PPP2R3B: variants seen among roughly 807,000 people sequenced by gnomAD.
PPP2R3B encodes protein phosphatase 2 regulatory subunit B''beta, also known as serine/threonine-protein phosphatase 2A regulatory subunit B'' subunit beta.
Under a neutral mutation model 72.9 loss-of-function variants are expected in PPP2R3B, and 68 were observed. The ratio of observed to expected loss-of-function variants is 0.93; its 90% CI spans 0.77 to 1.14. PPP2R3B has a LOEUF of 1.14. Ranked by LOEUF, PPP2R3B falls within the 50% of genes most tolerant of loss-of-function variation. The probability of loss-of-function intolerance (pLI) is 0.00; values close to 1 mark genes in which losing one functional copy is unlikely to be tolerated. For missense variants in PPP2R3B, 1,018 were observed against 842.0 expected (o/e 1.21, Z -2.59); for synonymous variants, 466 against 375.8 (o/e 1.24, Z -2.78).
At chrX:344,561 G>C (rs1356696713) in intron 7 of PPP2R3B, among the ~76,000 whole-genome samples, 1 of 152,250 alleles carries the variant, frequency 6.6e-6, no homozygotes, top group Non-Finnish European at 1.5e-5. Context: ...GGAAAGCTGG[G>C]GCCGCGCCGG....
intron 2 of PPP2R3B, 52 bp from the exon 3 acceptor site, chrX:347,745 C>A: frequency 7.3e-7 from 1 of 1,376,844 alleles, no homozygotes. Context: ...GACGCCGGCG[C>A]TCCTGCTGCG....
At chrX:373,810 C>T (rs779459396) in intron 1 of PPP2R3B, 17 of 151,570 alleles carry the variant, frequency 1.1e-4, no homozygotes, top group Admixed American at 9.2e-4. Context: ...GGGCCCGCGC[C>T]GCGCGCATTC....
intron 1 of PPP2R3B, among the ~76,000 whole-genome samples, chrX:367,019 C>G (rs990820386): frequency 2.0e-5 from 3 of 147,500 alleles, no homozygotes; most frequent in Non-Finnish European, 2.9e-5. Flanking sequence ...CAGAGTGAGA[C>G]TCTGTCTCAA....
At chrX:347,153 C>T (rs1232494745) in intron 4 of PPP2R3B, 81 bp downstream of exon 4, 1 of 1,536,378 alleles carries the variant, frequency 6.5e-7, no homozygotes, top group Non-Finnish European at 9.0e-7. Flanking sequence ...GTGTAGACGC[C>T]GGCCCTCCCA....
chrX:345,222 C>T, intron 7 of PPP2R3B: 1 of 643,078 alleles, frequency 1.6e-6, no homozygotes, highest in Non-Finnish European at 2.9e-6. Flanking sequence ...ACAAGGAAGC[C>T]CCACAGCGCT....
In PPP2R3B at chrX:346,321, G is replaced by A. The variant is rs899602347; in HGVS notation, c.793-61C>T. 2.7e-6 allele frequency: 4 copies of A among 1,482,914 alleles called. No individual in the cohort carries two copies. The African/African-American group carries it at 4.2e-5, about 16-fold the overall frequency. The allele number at this position is 1,482,914 out of a possible 1,614,324, so 91.9% of individuals were successfully genotyped here. ...GACCCCCAGGAGCCTCGCCCCGCAC[G>A]GAGACCGGGAGCCGGGAGAGGGGCG... On this transcript the variant is annotated intron_variant, in intron 5 of 12. Transcript: ENST00000390665.
chrX:373,827 C>T (rs2071926974), intron 1 of PPP2R3B: 3 of 152,026 alleles, frequency 2.0e-5, no homozygotes, highest in African/African-American at 7.2e-5. Flanking sequence ...ATTCCTCAGG[C>T]TGAGGAGGGC....
chrX:345,875 G>C (rs1208211012), intron 6 of PPP2R3B, among the ~76,000 whole-genome samples: 1 of 115,814 alleles, frequency 8.6e-6, no homozygotes, highest in Non-Finnish European at 1.9e-5. Context: ...GGCTCCCTAG[G>C]CGGGTGTGGG....
At chrX:351,196 C>T (rs1219718688) in intron 2 of PPP2R3B, among the ~76,000 whole-genome samples, 2 of 152,170 alleles carry the variant, frequency 1.3e-5, no homozygotes, top group Admixed American at 6.5e-5. Context: ...AGGATCCTGA[C>T]GGAGCTCAGC....
chrX:363,576 G>GATCCCACA (rs2071603468), intron 1 of PPP2R3B, among the ~76,000 whole-genome samples: 1 of 51,294 alleles, frequency 1.9e-5, no homozygotes, highest in Admixed American at 2.2e-4. Context: ...ATGAGTCCAC[G>GATCCCACA]ATCCCACAAT....
At chrX:345,317 G>T (rs1395113314) in intron 7 of PPP2R3B, 199 bp downstream of exon 7, 2 of 790,072 alleles carry the variant, frequency 2.5e-6, no homozygotes, top group African/African-American at 3.4e-5. Flanking sequence ...GGGCAGAGGC[G>T]CACGCGGGGA....
intron 1 of PPP2R3B, chrX:373,681 GCGGGC>G: frequency 1.1e-5 from 2 of 175,984 alleles, no homozygotes; most frequent in South Asian, 1.1e-4. Context: ...AGGGCTCTCC[GCGGGC>G]CGGGCCGGGC....
rs1354818036 is a variant in PPP2R3B, at chrX:346,224, A to G, written c.829T>C (p.Trp277Arg). The change falls in exon 6 of 13, where the codon TGG (tryptophan) becomes CGG (arginine). Residue 277 changes from tryptophan (W) to arginine (R), a missense_variant. Transcript: ENST00000390665. ...QRIFYAVNRS[W>R]SGRITCAELR... ...TCGGCGCAGGTGATCCTGCCGGACC[A>G]GGACCGGTTCACGGCGTAGAAGATC... 4 of 1,572,910 alleles carry G rather than the reference A, an allele frequency of 2.5e-6. No homozygotes were observed. The highest frequency in any genetic ancestry group is 3.6e-5 in the Admixed American group (2 of 55,072).
chrX:364,117 C>G (rs978717757), intron 1 of PPP2R3B, among the ~76,000 whole-genome samples: 10 of 152,254 alleles, frequency 6.6e-5, no homozygotes, highest in African/African-American at 2.4e-5. Flanking sequence ...AAATCTCTCA[C>G]AGCCTTGCAG....
chrX:377,685 A>G (rs1298469565), intron 1 of PPP2R3B, among the ~76,000 whole-genome samples: 11 of 137,990 alleles, frequency 8.0e-5, no homozygotes, highest in Non-Finnish European at 1.3e-4. Flanking sequence ...TGGGGCCGCC[A>G]TGGGGCTGTC....
At position 353,591 on chromosome X, in the gene PPP2R3B, C is replaced by T. The variant is rs529023214; in HGVS notation, c.511-5898G>A. Among the ~76,000 whole-genome samples the T allele has an allele frequency of 9.0e-4, 137 of 152,330 alleles. 4 individuals are homozygous for T. In the South Asian group the frequency reaches 0.027, roughly 30 times the overall value. On this transcript the variant is annotated intron_variant, in intron 2 of 12. Transcript: ENST00000390665. ...CAAGCAACTCTCCGAGGCCAGCATCCCCCCGATGCTAAACCAGACCAAGCT... is the reference window on the plus strand; with the variant it reads ...CAAGCAACTCTCCGAGGCCAGCATCTCCCCGATGCTAAACCAGACCAAGCT...
At chrX:341,107 ACGCGTCCCCCTG>A (rs2071059165) in intron 9 of PPP2R3B, 167 bp from the exon 10 acceptor site, 5 of 566,910 alleles carry the variant, frequency 8.8e-6, no homozygotes, top group South Asian at 8.3e-5. Context: ...CCGGGCGCGC[ACGCGTCCCCCTG>A]TGCCGTGCAG....
rs117541039 is a variant in PPP2R3B, at chrX:334,771, C to T, written c.1578-254G>A. On this transcript the variant is annotated intron_variant, in intron 12 of 12. Coordinates refer to ENST00000390665, the MANE Select transcript of PPP2R3B (RefSeq NM_013239.5). ...GGGACGGAGCCCCGGGCGTGAGCTA[C>T]ACACAGAGGACCTGGGCGGGCGCGC... The T allele has an allele frequency of 1.3e-3, 567 of 427,240 alleles. 5 individuals are homozygous for T. The highest frequency in any genetic ancestry group is 9.9e-3 in the African/African-American group (483 of 48,614). The allele number at this position is 427,240 out of a possible 1,614,324, so 26.5% of individuals were successfully genotyped here. A position where few individuals can be genotyped will look rare whatever the true frequency, so the allele number is the denominator to read the frequency against.
chrX:354,349 A>C (rs1411391587), intron 2 of PPP2R3B, among the ~76,000 whole-genome samples: 1 of 148,312 alleles, frequency 6.7e-6, no homozygotes. Flanking sequence ...CACAGACGCT[A>C]CCCCTGCGTG....
Sources: gnomAD v4.1 joint callset for allele counts (sites outside exome capture counted in the v4.1 genomes callset) on GRCh38, gnomAD v4.1.1 for gene constraint, MANE v1.5 for transcripts, NCBI Gene and HGNC (gene_info 2026-07-23, HGNC 2026-07-21) for gene names.